Variants in DAB1 observed in about 807,000 individuals in gnomAD.
The protein encoded by DAB1 is disabled homolog 1.
In DAB1, 15 loss-of-function variants were observed where a neutral mutation model predicts 64.6. The ratio of observed to expected loss-of-function variants is 0.23; its 90% CI spans 0.16 to 0.36. DAB1 has a LOEUF of 0.36. Among genes scored for constraint, DAB1 ranks in the 10% least tolerant of loss-of-function variants. The probability of loss-of-function intolerance (pLI) is 1.00; values close to 1 mark genes in which losing one functional copy is unlikely to be tolerated. For synonymous variants in DAB1, 235 were observed against 251.9 expected (o/e 0.93, Z 0.64); for missense variants, 596 against 706.7 (o/e 0.84, Z 1.78).
At chr1:58,450,527 G>A (rs1173892369) in intron 3 of DAB1, among the ~76,000 whole-genome samples, 23 of 152,164 alleles carry the variant, frequency 1.5e-4, no homozygotes, top group Non-Finnish European at 1.5e-5. Flanking sequence ...GGCCGAGGCG[G>A]GCGGATCACA....
chr1:58,320,805 A>G (rs555094578), intron 4 of DAB1, among the ~76,000 whole-genome samples: 3 of 152,304 alleles, frequency 2.0e-5, no homozygotes, highest in Non-Finnish European at 4.4e-5. Flanking sequence ...AGAGGATCTG[A>G]GACCTGAGAC....
chr1:57,439,295 G>A (rs1230882969), intron 7 of DAB1, among the ~76,000 whole-genome samples: 3 of 151,932 alleles, frequency 2.0e-5, no homozygotes, highest in African/African-American at 7.3e-5. Flanking sequence ...CCAAGTCATT[G>A]CCTAAAGCCA....
chr1:57,751,935 C>T (rs1173823954), intron 6 of DAB1, among the ~76,000 whole-genome samples: 1 of 152,210 alleles, frequency 6.6e-6, no homozygotes, highest in African/African-American at 2.4e-5. Flanking sequence ...GAGAAATTCA[C>T]GGTGTTCAGG....
intron 3 of DAB1, among the ~76,000 whole-genome samples, chr1:58,369,604 T>C (rs1365804308): frequency 6.6e-6 from 1 of 152,252 alleles, no homozygotes; most frequent in Non-Finnish European, 1.5e-5. Context: ...TCTAGCCACA[T>C]GCCTAGCATG....
At chr1:58,485,228 TAAAAAAAAAAAAA>T (rs71043289) in intron 3 of DAB1, among the ~76,000 whole-genome samples, 1 of 42,036 alleles carries the variant, frequency 2.4e-5, no homozygotes, top group Non-Finnish European at 4.1e-5. Context: ...AGTCTACTAC[TAAAAAAAAAAAAA>T]AAAAAAAAAA....
At chr1:57,843,285 G>A (rs1479261467) in intron 1 of DAB1, among the ~76,000 whole-genome samples, 7 of 152,146 alleles carry the variant, frequency 4.6e-5, no homozygotes, top group Admixed American at 4.6e-4. Flanking sequence ...CACCTTGCAT[G>A]GTTCTTTGAA....
chr1:58,018,981 T>C (rs987971264), intron 5 of DAB1, among the ~76,000 whole-genome samples: 1 of 152,188 alleles, frequency 6.6e-6, no homozygotes. Context: ...GGATACACCA[T>C]GAGACTTAGA....
At chr1:57,126,029 C>T (rs1657099135) in intron 4 of DAB1, among the ~76,000 whole-genome samples, 1 of 152,156 alleles carries the variant, frequency 6.6e-6, no homozygotes, top group Non-Finnish European at 1.5e-5. Flanking sequence ...GGACCCTGCC[C>T]TCAAGTCACA....
intron 1 of DAB1, among the ~76,000 whole-genome samples, chr1:57,372,766 T>G (rs1680602261): frequency 6.6e-6 from 1 of 152,150 alleles, no homozygotes; most frequent in Non-Finnish European, 1.5e-5. Context: ...GATATTTTCC[T>G]CAAGAACTCT....
chr1:57,840,895 C>T (rs555543924), intron 1 of DAB1, among the ~76,000 whole-genome samples: 2 of 152,302 alleles, frequency 1.3e-5, no homozygotes, highest in East Asian at 1.9e-4. Context: ...TCATGTCCTT[C>T]TCACATTTAA....
intron 2 of DAB1, among the ~76,000 whole-genome samples, chr1:57,261,505 G>A (rs879372493): frequency 6.6e-5 from 10 of 152,166 alleles, no homozygotes; most frequent in Non-Finnish European, 1.3e-4. Context: ...TAAGCTCCAT[G>A]AAGTCAGTGA....
chr1:57,795,856 C>T (rs1441648592), intron 6 of DAB1, among the ~76,000 whole-genome samples: 4 of 150,736 alleles, frequency 2.7e-5, no homozygotes, highest in Non-Finnish European at 4.4e-5. Flanking sequence ...AATAATTAGC[C>T]CTCAGTTTTT....
intron 2 of DAB1, among the ~76,000 whole-genome samples, chr1:57,203,542 G>A (rs779911068): frequency 2.0e-5 from 3 of 152,166 alleles, no homozygotes; most frequent in Non-Finnish European, 4.4e-5. Flanking sequence ...GTGTGACAAG[G>A]ACAGCCAACT....
At chr1:57,090,296 T>C (rs1199433991) in intron 4 of DAB1, among the ~76,000 whole-genome samples, 1 of 152,210 alleles carries the variant, frequency 6.6e-6, no homozygotes, top group African/African-American at 2.4e-5. Context: ...AATGTTTCTT[T>C]CACCAGTTGC....
At chr1:57,407,675 C>G (rs1683754528) in intron 1 of DAB1, among the ~76,000 whole-genome samples, 1 of 152,002 alleles carries the variant, frequency 6.6e-6, no homozygotes, top group Non-Finnish European at 1.5e-5. Flanking sequence ...ATCAGCCAAG[C>G]CTTGATTTGA....
chr1:58,250,280 G>A (rs569098941), intron 4 of DAB1, among the ~76,000 whole-genome samples: 1 of 152,212 alleles, frequency 6.6e-6, no homozygotes, highest in Non-Finnish European at 1.5e-5. Flanking sequence ...CAGCCCTCTC[G>A]ACTCATCCTC....
intron 4 of DAB1, among the ~76,000 whole-genome samples, chr1:58,184,326 A>G (rs1249148567): frequency 6.7e-6 from 1 of 149,240 alleles, no homozygotes; most frequent in African/African-American, 2.4e-5. Context: ...ATATATATAT[A>G]ATGCTCTTTC....
chr1:58,259,234 A>G (rs1407945562), intron 4 of DAB1, among the ~76,000 whole-genome samples: 1 of 152,218 alleles, frequency 6.6e-6, no homozygotes, highest in Non-Finnish European at 1.5e-5. Flanking sequence ...CAGTGTGCAC[A>G]TGCCCAAAGG....
chr1:58,356,534 G>A (rs931605109), intron 3 of DAB1, among the ~76,000 whole-genome samples: 17 of 152,086 alleles, frequency 1.1e-4, no homozygotes, highest in South Asian at 2.1e-4. Context: ...TTTGGACTGT[G>A]ATTTGAACGA....
Sources: allele counts gnomAD v4.1 joint callset (sites outside exome capture counted in the v4.1 genomes callset), GRCh38; gene constraint gnomAD v4.1.1; transcripts MANE v1.5; gene names NCBI Gene and HGNC (gene_info 2026-07-23, HGNC 2026-07-21).